Variants in CPED1 observed in about 807,000 individuals in gnomAD.
The protein encoded by CPED1 is cadherin-like and PC-esterase domain-containing protein 1.
A neutral mutation model predicts 128.2 loss-of-function variants in CPED1; 114 were observed. The ratio of observed to expected loss-of-function variants is 0.89; its 90% confidence interval spans 0.76 to 1.04. The LOEUF (loss-of-function observed/expected upper bound fraction) is 1.04. CPED1 is among the 50% of genes least tolerant of loss of function. The probability of loss-of-function intolerance (pLI) is 0.00; values close to 1 mark genes in which losing one functional copy is unlikely to be tolerated. For synonymous variants in CPED1, 462 were observed against 426.7 expected, an observed-to-expected ratio of 1.08 and a Z score of -1.02; for missense variants, 1,211 against 1,207.1, an observed-to-expected ratio of 1.00 and a Z score of -0.05.
chr7:120,993,943 G>A (rs750604737), intron 2 of CPED1: 5 of 327,838 alleles, frequency 1.5e-5, no homozygotes, highest in East Asian at 2.4e-4. Context: ...AGAGAAGCTC[G>A]CCCCTGGGTG....
intron 5 of CPED1, among the ~76,000 whole-genome samples, chr7:121,096,535 G>A (rs556612914): frequency 2.3e-4 from 35 of 152,164 alleles, no homozygotes; most frequent in African/African-American, 3.6e-4. Context: ...TTTGCAGTGC[G>A]TTTACCATTG....
At chr7:121,136,451 G>A (rs991532068) in intron 14 of CPED1, among the ~76,000 whole-genome samples, 17 of 152,102 alleles carry the variant, frequency 1.1e-4, no homozygotes, top group African/African-American at 4.1e-4. Context: ...CCAGATTGTT[G>A]CTGTAATGGT....
chr7:121,285,722 C>A (rs370481572), intron 22 of CPED1, among the ~76,000 whole-genome samples: 1 of 152,312 alleles, frequency 6.6e-6, no homozygotes, highest in African/African-American at 2.4e-5. Context: ...TCACTGTCAG[C>A]ATTTTGGTCA....
At chr7:121,009,026 T>C (rs1792096116) in intron 2 of CPED1, among the ~76,000 whole-genome samples, 1 of 152,102 alleles carries the variant, frequency 6.6e-6, no homozygotes, top group South Asian at 2.1e-4. Flanking sequence ...TCAGGTCCCT[T>C]AGCTCAGTGT....
intron 16 of CPED1, among the ~76,000 whole-genome samples, chr7:121,221,786 C>A (rs1162394604): frequency 6.6e-6 from 1 of 152,138 alleles, no homozygotes; most frequent in Non-Finnish European, 1.5e-5. Flanking sequence ...CTGTTCATAT[C>A]TTTTGCCCAC....
chr7:121,043,677 T>C (rs968956025), intron 3 of CPED1, among the ~76,000 whole-genome samples: 11 of 152,056 alleles, frequency 7.2e-5, no homozygotes, highest in African/African-American at 2.7e-4. Flanking sequence ...TAAGAGACCA[T>C]GGCAAACTGG....
intron 22 of CPED1, among the ~76,000 whole-genome samples, chr7:121,282,674 G>A (rs1007251947): frequency 3.9e-5 from 6 of 152,216 alleles, no homozygotes; most frequent in African/African-American, 1.2e-4. Context: ...TAATAGCTGT[G>A]TGAACAGATG....
chr7:121,106,822 C>T lies in CPED1; in HGVS notation c.918+6728C>T, dbSNP rs79506474. 9.8e-3 allele frequency among the ~76,000 whole-genome samples: 1,487 copies of T among 152,168 alleles called. 29 individuals carry two copies. The highest frequency in any genetic ancestry group is 0.034 in the African/African-American group (1,392 of 41,530). ...AGAAGCTCTTAAAAATTAATCTCTG[C>T]GGGCTCTTCCTCTTTCTGCCGTTGC... On this transcript the variant is annotated intron_variant, in intron 7 of 22. Transcript: ENST00000310396.
chr7:121,166,876 A>C (rs913307711), intron 16 of CPED1, among the ~76,000 whole-genome samples: 3 of 152,146 alleles, frequency 2.0e-5, no homozygotes, highest in African/African-American at 7.2e-5. Flanking sequence ...TGTGCTGAGG[A>C]TCATGATCTA....
chr7:121,112,212 A>G (rs1220476116), intron 7 of CPED1, among the ~76,000 whole-genome samples: 3 of 152,152 alleles, frequency 2.0e-5, no homozygotes, highest in Non-Finnish European at 1.5e-5. Flanking sequence ...CCCCATAAGG[A>G]TATGTCCATA....
At chr7:121,080,640 A>G (rs1422735722) in intron 5 of CPED1, among the ~76,000 whole-genome samples, 1 of 152,188 alleles carries the variant, frequency 6.6e-6, no homozygotes, top group Non-Finnish European at 1.5e-5. Context: ...AATAAAACCA[A>G]TAAGTGAAAG....
chr7:121,130,330 A>G, intron 12 of CPED1, 36 bp downstream of exon 12: 2 of 1,535,212 alleles, frequency 1.3e-6, no homozygotes, highest in Admixed American at 2.1e-5. Flanking sequence ...TACAATCCAA[A>G]AAATCTCTAG....
At position 121,244,322 on chromosome 7, in the gene CPED1, G is replaced by T. The variant is rs1798473246; in HGVS notation, c.2294G>T (p.Cys765Phe). The T allele has an allele frequency of 1.9e-6, 3 of 1,614,118 alleles. No individual in the cohort carries two copies. Among genetic ancestry groups the T allele is most frequent in the East Asian group, 2.2e-5 (1 of 44,876 alleles). Residue 765 changes from cysteine to phenylalanine, a missense_variant, in exon 18 of 23, where the codon TGC becomes TTC. Transcript: ENST00000310396. ...CTAACTAAGCCTCAACTCCAGCAGT[G>T]CCTGGGAGGAAGGAAGGTAGGTTCT... ...GVLTKPQLQQ[C>F]LGGRKILFIG...
intron 18 of CPED1, among the ~76,000 whole-genome samples, chr7:121,251,171 C>A (rs1198453275): frequency 1.3e-5 from 2 of 152,130 alleles, no homozygotes; most frequent in African/African-American, 2.4e-5. Context: ...ATATGAAAAT[C>A]AATAAACATA....
chr7:121,244,420 C>T (rs767486770), intron 18 of CPED1, 82 bp downstream of exon 18: 6 of 1,429,796 alleles, frequency 4.2e-6, no homozygotes, highest in African/African-American at 1.4e-5. Context: ...TCTACTAGAC[C>T]AATTCCTGCT....
intron 16 of CPED1, among the ~76,000 whole-genome samples, chr7:121,157,467 GTT>G (rs1255718316): frequency 6.6e-6 from 1 of 152,126 alleles, no homozygotes. Context: ...AACGGGGTGT[GTT>G]TCTAGCTGTA....
intron 16 of CPED1, among the ~76,000 whole-genome samples, chr7:121,234,849 A>G (rs1798218451): frequency 6.6e-6 from 1 of 152,154 alleles, no homozygotes; most frequent in Non-Finnish European, 1.5e-5. Flanking sequence ...GAATTGTTCT[A>G]TAACTTTTGG....
chr7:121,068,291 A>T (rs187848334), intron 5 of CPED1, among the ~76,000 whole-genome samples: 1 of 152,164 alleles, frequency 6.6e-6, no homozygotes, highest in African/African-American at 2.4e-5. Flanking sequence ...TAATTTTTGT[A>T]TAAGGTATAA....
intron 18 of CPED1, among the ~76,000 whole-genome samples, chr7:121,248,110 G>A (rs1295762429): frequency 6.6e-6 from 1 of 152,136 alleles, no homozygotes. Context: ...AGCTGATCCT[G>A]GTGCCCAAGG....
Sources: gnomAD v4.1 joint callset for allele counts (sites outside exome capture counted in the v4.1 genomes callset) on GRCh38, gnomAD v4.1.1 for gene constraint, MANE v1.5 for transcripts, NCBI Gene and HGNC (gene_info 2026-07-23, HGNC 2026-07-21) for gene names.